GRIK1: variants seen among roughly 807,000 people sequenced by gnomAD.
The protein encoded by GRIK1 is glutamate ionotropic receptor kainate type subunit 1.
In GRIK1, 69 loss-of-function variants were observed where a neutral mutation model predicts 105.7. The observed-to-expected ratio is 0.65, with a 90% confidence interval of 0.54 to 0.80. The LOEUF is 0.80. Ranked by LOEUF, GRIK1 falls within the 30% of genes least tolerant of loss-of-function variation. GRIK1 has a pLI of 0.00. For missense variants in GRIK1, 1,109 were observed against 1,167.3 expected (o/e 0.95, Z 0.73); for synonymous variants, 438 against 431.3 (o/e 1.02, Z -0.19).
chr21:29,848,354 G>A (rs536582360), intron 1 of GRIK1, among the ~76,000 whole-genome samples: 1 of 152,062 alleles, frequency 6.6e-6, no homozygotes, highest in Non-Finnish European at 1.5e-5. Flanking sequence ...TAATGAACCA[G>A]TAATTTGTCC....
intron 4 of GRIK1, among the ~76,000 whole-genome samples, chr21:29,664,562 TG>T (rs919458093): frequency 5.8e-4 from 89 of 152,184 alleles, no homozygotes; most frequent in African/African-American, 2.0e-3. Context: ...TTAATGATAT[TG>T]TAATTCCCAT....
In GRIK1 at chr21:29,837,357, G is replaced by A. The variant is rs1241754242; in HGVS notation, c.118+102026C>T. ...CAATGAACTTCCTCATTTCTCTTCC[G>A]AAAGCCTTTAGCAGCATCTGATGCT... On this transcript the variant is annotated intron_variant, in intron 1 of 17. Coordinates refer to ENST00000327783, the MANE Select transcript of GRIK1 (RefSeq NM_001330994.2). Among the ~76,000 whole-genome samples, 9 of 152,100 alleles carry A rather than the reference G, an allele frequency of 5.9e-5. No homozygotes were observed. The East Asian group carries it at 9.6e-4, about 16-fold the overall frequency.
rs74470740 is a variant in GRIK1, at chr21:29,692,394, T to A, written c.286+1502A>T. 1.2e-4 allele frequency among the ~76,000 whole-genome samples: 19 copies of A among 152,308 alleles called. 1 individual carries two copies. The East Asian group carries it at 3.5e-3, about 28-fold the overall frequency. On this transcript the variant is annotated intron_variant, in intron 2 of 17. Transcript: ENST00000327783. ...AAGTGATAGATCTATCTCTACATTA[T>A]AGAGATAATTTATGTGAGGATAGCT...
intron 16 of GRIK1, among the ~76,000 whole-genome samples, chr21:29,549,233 C>T (rs1354791768): frequency 2.0e-5 from 3 of 152,134 alleles, no homozygotes; most frequent in Non-Finnish European, 4.4e-5. Flanking sequence ...AACTCATGCT[C>T]AACAGCTAAT....
intron 14 of GRIK1, among the ~76,000 whole-genome samples, chr21:29,570,844 T>G (rs1020463287): frequency 5.8e-4 from 6 of 10,288 alleles, no homozygotes; most frequent in African/African-American, 1.6e-3. Flanking sequence ...TTAGAGTTGC[T>G]TTTTTTTTTT....
intron 4 of GRIK1, among the ~76,000 whole-genome samples, chr21:29,665,615 C>T (rs2063044106): frequency 6.6e-6 from 1 of 152,178 alleles, no homozygotes; most frequent in Admixed American, 6.5e-5. Flanking sequence ...CAAGCAAGTT[C>T]TTTATATCTA....
intron 1 of GRIK1, among the ~76,000 whole-genome samples, chr21:29,858,415 A>G (rs2068531920): frequency 6.6e-6 from 1 of 152,050 alleles, no homozygotes; most frequent in South Asian, 2.1e-4. Context: ...GTCTCCCTGG[A>G]ACCTCTTAAT....
chr21:29,936,768 A>C (rs1379963152), intron 1 of GRIK1, among the ~76,000 whole-genome samples: 1 of 152,240 alleles, frequency 6.6e-6, no homozygotes, highest in Non-Finnish European at 1.5e-5. Context: ...ATTTTATCTT[A>C]GCTTTTATCC....
chr21:29,929,624 G>C (rs1358742561), intron 1 of GRIK1, among the ~76,000 whole-genome samples: 1 of 152,102 alleles, frequency 6.6e-6, no homozygotes, highest in Non-Finnish European at 1.5e-5. Flanking sequence ...AGTTAGAATG[G>C]TTAGAATGGC....
chr21:29,635,172 G>T (rs2409342), intron 7 of GRIK1, among the ~76,000 whole-genome samples: 4 of 152,004 alleles, frequency 2.6e-5, no homozygotes, highest in Admixed American at 1.3e-4. Context: ...TGAGTGGCAG[G>T]CTCCATCGTA....
chr21:29,859,892 A>G (rs554813942), intron 1 of GRIK1, among the ~76,000 whole-genome samples: 1 of 152,346 alleles, frequency 6.6e-6, no homozygotes, highest in South Asian at 2.1e-4. Flanking sequence ...TGTAATGTGG[A>G]AATAATGATA....
chr21:29,643,904 A>G (rs527956236), intron 6 of GRIK1, among the ~76,000 whole-genome samples: 33 of 147,658 alleles, frequency 2.2e-4, no homozygotes, highest in Non-Finnish European at 4.6e-4. Flanking sequence ...GGAGGGGCAC[A>G]CACATGCACA....
chr21:29,799,525 T>TTTTG (rs773270339), intron 1 of GRIK1, among the ~76,000 whole-genome samples: 3 of 150,708 alleles, frequency 2.0e-5, no homozygotes, highest in Non-Finnish European at 2.9e-5. Flanking sequence ...TTCATTTGTT[T>TTTTG]TTTGTTTGTT....
At chr21:29,743,667 CGTGGGTGATAGA>C (rs1230299144) in intron 1 of GRIK1, among the ~76,000 whole-genome samples, 1 of 151,554 alleles carries the variant, frequency 6.6e-6, no homozygotes, top group African/African-American at 2.4e-5. Flanking sequence ...TGCACTCTAG[CGTGGGTGATAGA>C]GTGAGACTCC....
At chr21:29,791,634 A>C (rs951959155) in intron 1 of GRIK1, among the ~76,000 whole-genome samples, 1 of 152,190 alleles carries the variant, frequency 6.6e-6, no homozygotes, top group African/African-American at 2.4e-5. Context: ...TTGGCAAAGA[A>C]GGAAAATTTA....
chr21:29,550,224 T>C (rs2090111698), intron 16 of GRIK1, among the ~76,000 whole-genome samples: 1 of 151,390 alleles, frequency 6.6e-6, no homozygotes, highest in South Asian at 2.1e-4. Context: ...TCTGAGTTGA[T>C]CTAGCTCTAT....
rs915001336 is a variant in GRIK1, at chr21:29,709,178, A to G, written c.119-15115T>C. On this transcript the variant is annotated intron_variant, in intron 1 of 17. Coordinates refer to ENST00000327783, the MANE Select transcript of GRIK1 (RefSeq NM_001330994.2). Reference sequence around the variant, plus strand: ...TTTAATTTCTGGACTCTTCTGTTCCATTGATCCATCTGTATAGTAGCATCA... The same window carrying G: ...TTTAATTTCTGGACTCTTCTGTTCCGTTGATCCATCTGTATAGTAGCATCA... Among the ~76,000 whole-genome samples, 5 of 151,962 alleles carry G rather than the reference A, an allele frequency of 3.3e-5. No homozygotes were observed. In the East Asian group the frequency reaches 7.7e-4, roughly 23 times the overall value.
intron 1 of GRIK1, among the ~76,000 whole-genome samples, chr21:29,743,870 G>A (rs919696953): frequency 4.6e-5 from 7 of 152,026 alleles, no homozygotes; most frequent in Non-Finnish European, 1.0e-4. Context: ...GTTAGAATTG[G>A]GAAATTTAAA....
chr21:29,880,565 T>A lies in GRIK1; in HGVS notation c.118+58818A>T, dbSNP rs543879084. The stretch of plus-strand genomic sequence containing the variant: ...CCAAACACTAACTACATCTAAGAAA[T>A]GAAATTCTAAAGCCCAAGTTTATTT... On this transcript the variant is annotated intron_variant, in intron 1 of 17. Transcript: ENST00000327783. Among the ~76,000 whole-genome samples, 188 of 152,306 alleles carry A rather than the reference T, an allele frequency of 1.2e-3. 1 individual carries two copies. Among genetic ancestry groups the A allele is most frequent in the Non-Finnish European group, 2.0e-3 (136 of 68,004 alleles).
Sources: gnomAD v4.1 joint callset for allele counts (sites outside exome capture counted in the v4.1 genomes callset) on GRCh38, gnomAD v4.1.1 for gene constraint, MANE v1.5 for transcripts, NCBI Gene and HGNC (gene_info 2026-07-23, HGNC 2026-07-21) for gene names.